The following C4orf51 variants were observed in gnomAD, a reference collection of about 807,000 sequenced individuals.
C4orf51 encodes the protein chromosome 4 open reading frame 51, also known as uncharacterized protein C4orf51.
Under a neutral mutation model 25.2 loss-of-function variants are expected in C4orf51, and 25 were observed. The observed-to-expected ratio is 0.99, with a 90% CI of 0.72 to 1.39. The LOEUF (loss-of-function observed/expected upper bound fraction) is 1.39, where lower values mean the gene tolerates loss of function less well. C4orf51 is among the 40% of genes most tolerant of loss of function. C4orf51 has a pLI of 0.00. For synonymous variants in C4orf51, 100 were observed against 84.5 expected, an observed-to-expected ratio of 1.18 and a Z score of -1.01; for missense variants, 252 against 239.6, an observed-to-expected ratio of 1.05 and a Z score of -0.34.
At chr4:145,750,434 T>C (rs1003348687) in intron 1 of C4orf51, among the ~76,000 whole-genome samples, 11 of 94,072 alleles carry the variant, frequency 1.2e-4, no homozygotes, top group African/African-American at 3.1e-4. Flanking sequence ...TTTTTTTTTT[T>C]CCTTTAGCTC....
chr4:145,730,637 A>T (rs1397548959), intron 5 of C4orf51, among the ~76,000 whole-genome samples: 1 of 152,024 alleles, frequency 6.6e-6, no homozygotes, highest in Non-Finnish European at 1.5e-5. Context: ...CTTAAAAAAA[A>T]CTCAGACTCA....
intron 2 of C4orf51, among the ~76,000 whole-genome samples, chr4:145,718,343 T>C (rs1731530436): frequency 6.6e-6 from 1 of 152,224 alleles, no homozygotes. Flanking sequence ...TTATGGGATA[T>C]GACATTTAAC....
At chr4:145,710,862 C>T (rs1731094689) in intron 2 of C4orf51, among the ~76,000 whole-genome samples, 1 of 152,050 alleles carries the variant, frequency 6.6e-6, no homozygotes. Flanking sequence ...CCTACTGTGA[C>T]AGTTTGATTT....
the C4orf51 span, among the ~76,000 whole-genome samples, chr4:145,788,285 C>T: frequency 2.6e-5 from 4 of 152,130 alleles, no homozygotes; most frequent in Non-Finnish European, 4.4e-5. Context: ...TAGTAGAAAA[C>T]TGGACCTTGA....
intron 2 of C4orf51, among the ~76,000 whole-genome samples, chr4:145,706,128 T>C (rs1037492492): frequency 2.0e-5 from 3 of 152,208 alleles, no homozygotes; most frequent in African/African-American, 7.2e-5. Context: ...AGGTGTACCA[T>C]AGTTTTTGAA....
Position 145,765,796 on chromosome 4 carries a change from G to A in C4orf51, n.167-5192G>A. The A allele has an allele frequency of 2.6e-6, 4 of 1,537,142 alleles. No homozygotes were observed. The South Asian group carries it at 3.7e-5, about 14-fold the overall frequency. On this transcript the variant is annotated intron_variant and non_coding_transcript_variant, in intron 1 of 1. Transcript: ENST00000510096. The surrounding 1 kb of genome is among the most constrained non-coding windows in gnomAD (Gnocchi z 4.7). ...TGAGATGAAAATCCTCAGAATTATAGCAACTGAGGGTGACGAGTTGAGTCT... is the reference window on the plus strand; with the variant it reads ...TGAGATGAAAATCCTCAGAATTATAACAACTGAGGGTGACGAGTTGAGTCT...
chr4:145,730,373 G>A lies in C4orf51; in HGVS notation c.501+408G>A, dbSNP rs78384834. 2.5e-4 allele frequency among the ~76,000 whole-genome samples: 38 copies of A among 152,174 alleles called. 2 individuals are homozygous for A. In the East Asian group the frequency reaches 6.4e-3, roughly 26 times the overall value. Reference sequence around the variant, plus strand: ...CTGGAGTTTCCCTCCTCATGTGCCCGTCCTGCCACTCAGCATCTATGGTCC... The same window carrying A: ...CTGGAGTTTCCCTCCTCATGTGCCCATCCTGCCACTCAGCATCTATGGTCC... On this transcript the variant is annotated intron_variant, in intron 5 of 5. Transcript: ENST00000438731.
intron 1 of C4orf51, among the ~76,000 whole-genome samples, chr4:145,745,988 A>G (rs895808220): frequency 6.6e-6 from 1 of 152,160 alleles, no homozygotes; most frequent in Non-Finnish European, 1.5e-5. Context: ...TCACTTTTTC[A>G]TAAACCTGTT....
chr4:145,756,210 C>T (rs979528048), downstream of C4orf51, among the ~76,000 whole-genome samples: 9 of 152,164 alleles, frequency 5.9e-5, no homozygotes, highest in Non-Finnish European at 1.2e-4. Context: ...GTGACCGGTG[C>T]GGCAGCTCAG....
chr4:145,711,683 T>G (rs1731140445), intron 2 of C4orf51, among the ~76,000 whole-genome samples: 1 of 152,210 alleles, frequency 6.6e-6, no homozygotes, highest in Non-Finnish European at 1.5e-5. Context: ...TTTCTTTTGC[T>G]TGATCAAGTT....
At chr4:145,756,671 C>T (rs1404364764), downstream of C4orf51, among the ~76,000 whole-genome samples, 4 of 152,184 alleles carry the variant, frequency 2.6e-5, no homozygotes, top group African/African-American at 9.7e-5. Flanking sequence ...TAGCAAAAAT[C>T]AAAGAAGTCT....
intron 2 of C4orf51, among the ~76,000 whole-genome samples, chr4:145,725,028 C>G (rs1731975785): frequency 6.7e-6 from 1 of 150,242 alleles, no homozygotes; most frequent in Non-Finnish European, 1.5e-5. Flanking sequence ...TTTGTGGACT[C>G]GGGGGAAAGG....
Position 145,753,492 on chromosome 4 carries a change from G to C in C4orf51, n.168-715G>C, listed in dbSNP as rs193294789. 6.0e-4 allele frequency among the ~76,000 whole-genome samples: 92 copies of C among 152,208 alleles called. No homozygotes were observed. In the East Asian group the frequency reaches 0.018, roughly 29 times the overall value. ...GCTAGTTGTGTGTCAAAGATGGGAA[G>C]AAACAGAGAAAACCCCTATGCTGAA... On this transcript the variant is annotated intron_variant and non_coding_transcript_variant, in intron 1 of 1. Coordinates refer to the C4orf51 transcript ENST00000508981.
At chr4:145,716,357 C>A (rs1162348390) in intron 2 of C4orf51, among the ~76,000 whole-genome samples, 1 of 152,118 alleles carries the variant, frequency 6.6e-6, no homozygotes, top group African/African-American at 2.4e-5. Flanking sequence ...GCTCTTTCTC[C>A]ACTTCAGCCT....
chr4:145,778,787 T>C, the C4orf51 span, among the ~76,000 whole-genome samples: 18 of 152,350 alleles, frequency 1.2e-4, no homozygotes, highest in African/African-American at 4.1e-4. Flanking sequence ...AGTGTAAAAA[T>C]GGAAATGTTT....
intron 1 of C4orf51, among the ~76,000 whole-genome samples, chr4:145,686,407 C>G (rs1223337507): frequency 6.6e-6 from 1 of 152,116 alleles, no homozygotes; most frequent in East Asian, 1.9e-4. Context: ...GATAAATTTT[C>G]TCTTGTGTGT....
chr4:145,785,242 G>C, the C4orf51 span, among the ~76,000 whole-genome samples: 1 of 152,124 alleles, frequency 6.6e-6, no homozygotes, highest in Non-Finnish European at 1.5e-5. Flanking sequence ...TAATGATGAG[G>C]ACTAGTTGGC....
chr4:145,749,040 T>C (rs1733529346), intron 1 of C4orf51, among the ~76,000 whole-genome samples: 1 of 143,986 alleles, frequency 6.9e-6, no homozygotes, highest in African/African-American at 2.6e-5. Flanking sequence ...ATTATATACC[T>C]GGATGCTCCA....
At chr4:145,755,437 G>A (rs1222695691), downstream of C4orf51, among the ~76,000 whole-genome samples, 4 of 152,200 alleles carry the variant, frequency 2.6e-5, no homozygotes. Context: ...AAGAACTAAT[G>A]AACTAATACT....
Sources: allele counts gnomAD v4.1 joint callset (sites outside exome capture counted in the v4.1 genomes callset), GRCh38; gene constraint gnomAD v4.1.1; non-coding constraint Gnocchi (gnomAD v3.1); transcripts MANE v1.5; gene names NCBI Gene and HGNC (gene_info 2026-07-23, HGNC 2026-07-21).